Variants in ATM observed in about 807,000 individuals in gnomAD.
The protein encoded by ATM is ATM serine/threonine kinase, also known as serine-protein kinase ATM.
A neutral mutation model predicts 387.0 loss-of-function variants in ATM; 308 were observed. The observed-to-expected ratio is 0.80, with a 90% CI of 0.73 to 0.87. The LOEUF is 0.87. Ranked by LOEUF, ATM falls within the 40% of genes least tolerant of loss-of-function variation. The pLI, the probability that ATM is intolerant of heterozygous loss-of-function variation, is 0.00. For missense variants in ATM, 3,312 were observed against 3,560.9 expected (o/e 0.93, Z 1.78); for synonymous variants, 1,156 against 1,187.3 (o/e 0.97, Z 0.54).
At chr11:108,354,058 TACACACACACAAACACACACACAC>T (rs1342902263) in intron 60 of ATM, among the ~76,000 whole-genome samples, 178 bp downstream of exon 60, 6 of 67,006 alleles carry the variant, frequency 9.0e-5, no homozygotes. Context: ...TCTAAAAAAA[TACACACACACAAACACACACACAC>T]ACACACACAC....
chr11:108,284,562 G>T (rs1015474721), intron 26 of ATM, 89 bp downstream of exon 26: 2 of 1,533,666 alleles, frequency 1.3e-6, no homozygotes, highest in East Asian at 2.3e-5. Flanking sequence ...CGATTTATTC[G>T]TATTTATATA....
In ATM at chr11:108,273,919, A is replaced by G. The variant is rs187680048; in HGVS notation, c.3284+1067A>G. Among the ~76,000 whole-genome samples, 255 of 152,070 alleles carry G rather than the reference A, an allele frequency of 1.7e-3. 1 individual carries two copies. Among genetic ancestry groups the G allele is most frequent in the Middle Eastern group, 3.4e-3 (1 of 294 alleles). On this transcript the variant is annotated intron_variant, in intron 22 of 62. Transcript: ENST00000675843. ...GTTAGGGAAGAGTCCCTCTTTTTCT[A>G]TTGTTTGGAATAGTTTCAGAAGGAA...
Position 108,366,396 on chromosome 11 carries a change from G to GT in ATM, c.*895dup, listed in dbSNP as rs200629108. 1,151 of 216,464 alleles carry GT rather than the reference G, an allele frequency of 5.3e-3. 17 individuals carry two copies. Among genetic ancestry groups the GT allele is most frequent in the African/African-American group, 0.023 (1,027 of 44,408 alleles). The allele number at this position is 216,464 out of a possible 1,614,324, so 13.4% of individuals were successfully genotyped here. A position where few individuals can be genotyped will look rare whatever the true frequency, so the allele number is the denominator to read the frequency against. ...TCTGTTTCTTGATGTCATTTTTAATGTTTTTTTAATGTTTTTTATGTCACT... is the reference window on the plus strand; with the variant it reads ...TCTGTTTCTTGATGTCATTTTTAATGTTTTTTTTAATGTTTTTTATGTCACT... On this transcript the variant is annotated 3_prime_UTR_variant, in exon 63 of 63. Coordinates refer to ENST00000675843, the MANE Select transcript of ATM (RefSeq NM_000051.4).
chr11:108,299,490 C>T, intron 33 of ATM: 1 of 421,994 alleles, frequency 2.4e-6, no homozygotes, highest in Non-Finnish European at 4.4e-6. Flanking sequence ...AAAGATGGGG[C>T]TTTACCATGT....
At chr11:108,333,399 A>G (rs762698801) in intron 53 of ATM, among the ~76,000 whole-genome samples, 16 of 152,238 alleles carry the variant, frequency 1.1e-4, no homozygotes, top group Non-Finnish European at 2.1e-4. Flanking sequence ...GTCTCTAAGT[A>G]TGCTTCTAAG....
intron 44 of ATM, among the ~76,000 whole-genome samples, chr11:108,320,410 G>T (rs888012049): frequency 6.6e-6 from 1 of 152,124 alleles, no homozygotes; most frequent in East Asian, 1.9e-4. Flanking sequence ...TTACAAACTT[G>T]TTTTGAGGCA....
chr11:108,362,479 G>C (rs1206666646), intron 61 of ATM, among the ~76,000 whole-genome samples: 3 of 150,890 alleles, frequency 2.0e-5, no homozygotes, highest in South Asian at 4.2e-4. Flanking sequence ...AAATCATGCT[G>C]CTATAAAGAC....
chr11:108,361,748 G>T (rs184472), intron 61 of ATM, among the ~76,000 whole-genome samples: 78,710 of 150,840 alleles, frequency 0.52, 21,371 homozygotes, highest in Middle Eastern at 0.73. Flanking sequence ...TAGCCATATG[G>T]AGAAAGCTGA....
At chr11:108,244,703 T>G in intron 6 of ATM, 85 bp from the exon 7 acceptor site, 1 of 1,054,370 alleles carries the variant, frequency 9.5e-7, no homozygotes, top group Non-Finnish European at 1.4e-6. Flanking sequence ...TTTTTTTTTC[T>G]TTCAGCATAC....
chr11:108,289,312 CTT>C (rs554433894), intron 28 of ATM, among the ~76,000 whole-genome samples: 14 of 152,198 alleles, frequency 9.2e-5, no homozygotes, highest in Admixed American at 2.6e-4. Flanking sequence ...TCTTGTGACA[CTT>C]TAGTGATATA....
At chr11:108,300,448 A>T (rs1363776450) in intron 34 of ATM, among the ~76,000 whole-genome samples, 1 of 152,082 alleles carries the variant, frequency 6.6e-6, no homozygotes, top group Non-Finnish European at 1.5e-5. Context: ...TTATTTGTTG[A>T]TTGATTGATT....
chr11:108,329,415 T>G lies in ATM; in HGVS notation c.7307+177T>G, dbSNP rs186591. On this transcript the variant is annotated intron_variant, in intron 49 of 62. Coordinates refer to ENST00000675843, the MANE Select transcript of ATM (RefSeq NM_000051.4). ...GTTCTTTTCGGTTTTTGTTTTTTGTTTTTTTTTTTGAGACAAGGTCTCACT... is the reference window on the plus strand; with the variant it reads ...GTTCTTTTCGGTTTTTGTTTTTTGTGTTTTTTTTTGAGACAAGGTCTCACT... 333,749 of 608,632 alleles carry G rather than the reference T, an allele frequency of 0.55. 92,463 individuals are homozygous for G. The highest frequency in any genetic ancestry group is 0.71 in the Middle Eastern group (1,532 of 2,158). 37.7% of individuals were successfully genotyped at this position (608,632 alleles called of 1,614,324 possible). A position where few individuals can be genotyped will look rare whatever the true frequency, so the allele number is the denominator to read the frequency against.
In ATM at chr11:108,345,939, C is replaced by T. The variant is rs1399796541; in HGVS notation, c.8584+31C>T. 1.9e-6 allele frequency: 3 copies of T among 1,611,378 alleles called. No individual in the cohort carries two copies. In the Admixed American group the frequency reaches 5.0e-5, roughly 27 times the overall value. On this transcript the variant is annotated intron_variant, in intron 58 of 62. Coordinates refer to ENST00000675843, the MANE Select transcript of ATM (RefSeq NM_000051.4). ...CTTCTTGTACATATAGTAGATTGAG[C>T]ACTTTGTTGTTTGGCAGGTTTTATT... is the stretch of plus-strand genomic sequence containing the variant.
At chr11:108,311,636 T>G (rs1298008598) in intron 39 of ATM, among the ~76,000 whole-genome samples, 1 of 151,634 alleles carries the variant, frequency 6.6e-6, no homozygotes, top group East Asian at 1.9e-4. Context: ...AGGGAGAGGC[T>G]GCAGTGAGCC....
chr11:108,321,455 G>T, intron 45 of ATM, 35 bp downstream of exon 45: 1 of 1,613,532 alleles, frequency 6.2e-7, no homozygotes, highest in Non-Finnish European at 8.5e-7. Flanking sequence ...ATCCTAAAGT[G>T]CAGCTTTTCT....
chr11:108,228,000 T>A, intron 3 of ATM, 112 bp downstream of exon 3: 1 of 863,938 alleles, frequency 1.2e-6, no homozygotes, highest in Non-Finnish European at 1.8e-6. Context: ...TTCCTATATA[T>A]CATTATGCCT....
At chr11:108,355,382 C>T (rs975819958) in intron 61 of ATM, 1 of 173,016 alleles carries the variant, frequency 5.8e-6, no homozygotes, top group Admixed American at 5.5e-5. Context: ...GACAGCTCAC[C>T]TGAATAGGGT....
At position 108,308,142 on chromosome 11, in the gene ATM, G is replaced by A. The variant is rs183021682; in HGVS notation, c.5762+158G>A. 4.8e-5 allele frequency: 36 copies of A among 743,208 alleles called. No homozygotes were observed. In the African/African-American group the frequency reaches 5.4e-4, roughly 11 times the overall value. 46.0% of individuals were successfully genotyped at this position (743,208 alleles called of 1,614,324 possible). A position where few individuals can be genotyped will look rare whatever the true frequency, so the allele number is the denominator to read the frequency against. Reference sequence around the variant, plus strand: ...TCTCCTTGCAGTAATCCATATTCAGGATAGCAGTTTGGTTAAATCAGTGTC... The same window carrying A: ...TCTCCTTGCAGTAATCCATATTCAGAATAGCAGTTTGGTTAAATCAGTGTC... On this transcript the variant is annotated intron_variant, in intron 38 of 62. Transcript: ENST00000675843.
At chr11:108,255,194 C>T (rs1047525219) in intron 13 of ATM, among the ~76,000 whole-genome samples, 7 of 152,088 alleles carry the variant, frequency 4.6e-5, no homozygotes, top group African/African-American at 1.2e-4. Context: ...GGAGTGAATT[C>T]GGTAGCCAGG....
Sources: allele counts gnomAD v4.1 joint callset (sites outside exome capture counted in the v4.1 genomes callset), GRCh38; gene constraint gnomAD v4.1.1; transcripts MANE v1.5; gene names NCBI Gene and HGNC (gene_info 2026-07-23, HGNC 2026-07-21).